CLVS1: variants seen among roughly 807,000 people sequenced by gnomAD.
The protein encoded by CLVS1 is clavesin-1.
Under a neutral mutation model 33.1 loss-of-function variants are expected in CLVS1, and 10 were observed. The ratio of observed to expected loss-of-function variants is 0.30; its 90% CI spans 0.19 to 0.51. The LOEUF (loss-of-function observed/expected upper bound fraction) is 0.51. Among genes scored for constraint, CLVS1 ranks in the 20% least tolerant of loss-of-function variants. The probability of loss-of-function intolerance (pLI) is 0.97; values close to 1 mark genes in which losing one functional copy is unlikely to be tolerated. For synonymous variants in CLVS1, 163 were observed against 166.1 expected (o/e 0.98, Z 0.14); for missense variants, 343 against 433.4 (o/e 0.79, Z 1.85).
chr8:61,309,499 C>T (rs767873312), intron 2 of CLVS1, among the ~76,000 whole-genome samples: 3 of 152,160 alleles, frequency 2.0e-5, no homozygotes, highest in Non-Finnish European at 4.4e-5. Flanking sequence ...GATATTTGAC[C>T]TTCTTTCCTT....
In CLVS1 at chr8:61,499,777, G is replaced by A. The variant is rs1011121473; in HGVS notation, c.*235G>A. On this transcript the variant is annotated 3_prime_UTR_variant, in exon 6 of 6. Coordinates refer to ENST00000325897, the MANE Select transcript of CLVS1 (RefSeq NM_173519.3). ...TGAGGGGACTGGAGGATGATGCAAG[G>A]CATTTATGTAAAAAAGATTCTCCCT... 4 of 324,670 alleles carry A rather than the reference G, an allele frequency of 1.2e-5. No homozygotes were observed. Among genetic ancestry groups the A allele is most frequent in the Middle Eastern group, 8.3e-4 (1 of 1,210 alleles). 20.1% of individuals were successfully genotyped at this position (324,670 alleles called of 1,614,324 possible).
the CLVS1 span, among the ~76,000 whole-genome samples, chr8:60,988,790 A>G: frequency 6.6e-6 from 1 of 152,220 alleles, no homozygotes; most frequent in African/African-American, 2.4e-5. Context: ...CATAAATGAT[A>G]ATTGTGAAAA....
upstream of CLVS1, among the ~76,000 whole-genome samples, chr8:61,286,983 G>C (rs1402669816): frequency 6.6e-6 from 1 of 152,044 alleles, no homozygotes; most frequent in Non-Finnish European, 1.5e-5. Context: ...AAAAATTAAT[G>C]CTTTTTTATT....
At chr8:61,156,330 TAATATAA>T (rs1806648646) in intron 2 of CLVS1, among the ~76,000 whole-genome samples, 2 of 151,418 alleles carry the variant, frequency 1.3e-5, no homozygotes, top group Non-Finnish European at 2.9e-5. Flanking sequence ...AACCTCAGGA[TAATATAA>T]AAACCTCAAC....
intron 2 of CLVS1, among the ~76,000 whole-genome samples, chr8:61,219,858 G>T (rs1808172758): frequency 6.6e-6 from 1 of 152,144 alleles, no homozygotes; most frequent in Non-Finnish European, 1.5e-5. Flanking sequence ...ACGTGAGATG[G>T]TATCTCATTG....
intron 2 of CLVS1, among the ~76,000 whole-genome samples, chr8:61,330,783 G>A: frequency 6.6e-6 from 1 of 152,106 alleles, no homozygotes; most frequent in Admixed American, 6.6e-5. Context: ...ATACACTGCA[G>A]GTTGAAAAAC....
chr8:60,967,748 G>C, the CLVS1 span: 3 of 453,044 alleles, frequency 6.6e-6, no homozygotes, highest in Non-Finnish European at 1.3e-5. Flanking sequence ...GGAAGCATCT[G>C]CCACCACCGG....
At chr8:61,282,899 T>C (rs978110937) in intron 2 of CLVS1, among the ~76,000 whole-genome samples, 1 of 152,142 alleles carries the variant, frequency 6.6e-6, no homozygotes, top group Admixed American at 6.5e-5. Flanking sequence ...AGTACTCTGT[T>C]TTCATAGATC....
chr8:61,444,651 A>C (rs1266704596), intron 3 of CLVS1, among the ~76,000 whole-genome samples: 1 of 152,230 alleles, frequency 6.6e-6, no homozygotes, highest in Non-Finnish European at 1.5e-5. Context: ...TCCACACTAC[A>C]GAATGGAGTC....
intron 2 of CLVS1, among the ~76,000 whole-genome samples, chr8:61,311,403 C>T (rs1810827333): frequency 6.6e-6 from 1 of 152,210 alleles, no homozygotes; most frequent in South Asian, 2.1e-4. Flanking sequence ...CTGCTTTCTG[C>T]CCACCATCAA....
intron 1 of CLVS1, among the ~76,000 whole-genome samples, chr8:61,095,403 A>G (rs6471920): frequency 0.47 from 71,462 of 151,910 alleles, 17,623 homozygotes; most frequent in East Asian, 0.82. Context: ...AGCATTTCTT[A>G]TTTTTCCAAA....
At chr8:61,052,729 G>T (rs1041824431), upstream of CLVS1, among the ~76,000 whole-genome samples, 3 of 152,146 alleles carry the variant, frequency 2.0e-5, no homozygotes, top group African/African-American at 7.2e-5. Flanking sequence ...AGGTGGCGTG[G>T]GGCTCTGAGG....
intron 5 of CLVS1, among the ~76,000 whole-genome samples, chr8:61,496,050 A>G (rs1310123908): frequency 1.3e-5 from 2 of 152,134 alleles, no homozygotes; most frequent in African/African-American, 4.8e-5. Flanking sequence ...GTAAGGAAGA[A>G]TTTTCTAGCT....
chr8:61,013,252 C>A, the CLVS1 span, among the ~76,000 whole-genome samples: 1 of 152,186 alleles, frequency 6.6e-6, no homozygotes, highest in Non-Finnish European at 1.5e-5. Flanking sequence ...CCAACACAGC[C>A]AATTATGCCA....
Position 61,237,793 on chromosome 8 carries a change from AAAGGTT to A in CLVS1, c.-151-61883_-151-61878del, listed in dbSNP as rs1434876060. Among the ~76,000 whole-genome samples the A allele has an allele frequency of 1.4e-4, 21 of 150,848 alleles. No homozygotes were observed. The East Asian group carries it at 3.7e-3, about 27-fold the overall frequency. On this transcript the variant is annotated intron_variant, in intron 2 of 2. Transcript: ENST00000522621. ...AACATGTGGAGATGGTCAGACCAAGAAAGGTTGGGGCCTTTTGTTTTCTCCAAATCC... is the reference window on the plus strand; with the variant it reads ...AACATGTGGAGATGGTCAGACCAAGAGGGGCCTTTTGTTTTCTCCAAATCC...
chr8:61,218,048 G>C (rs1407439074), intron 2 of CLVS1, among the ~76,000 whole-genome samples: 3 of 152,102 alleles, frequency 2.0e-5, no homozygotes, highest in Non-Finnish European at 4.4e-5. Context: ...ATACATTGTT[G>C]GTGGGAATGT....
the CLVS1 span, among the ~76,000 whole-genome samples, chr8:61,012,482 C>A: frequency 6.6e-6 from 1 of 152,198 alleles, no homozygotes; most frequent in Non-Finnish European, 1.5e-5. Flanking sequence ...GGAGATACAG[C>A]CCGAGAGTGA....
chr8:61,499,342 A>G (rs931977861), intron 5 of CLVS1, 113 bp from the exon 6 acceptor site: 2 of 691,742 alleles, frequency 2.9e-6, no homozygotes, highest in African/African-American at 3.6e-5. Flanking sequence ...CACCCAGTTA[A>G]TTTTTGAGTG....
At chr8:61,216,761 C>T (rs546005056) in intron 2 of CLVS1, among the ~76,000 whole-genome samples, 1 of 152,302 alleles carries the variant, frequency 6.6e-6, no homozygotes, top group South Asian at 2.1e-4. Context: ...TCAGCCTCTG[C>T]CTCAGAGCTA....
Sources: gnomAD v4.1 joint callset for allele counts (sites outside exome capture counted in the v4.1 genomes callset) on GRCh38, gnomAD v4.1.1 for gene constraint, MANE v1.5 for transcripts, NCBI Gene and HGNC (gene_info 2026-07-23, HGNC 2026-07-21) for gene names.